The following SALL2 variants were observed in gnomAD, a reference collection of about 807,000 sequenced individuals.
SALL2 encodes the protein sal-like protein 2.
In SALL2, 32 loss-of-function variants were observed where a neutral mutation model predicts 58.5. The observed-to-expected ratio is 0.55, with a 90% confidence interval of 0.41 to 0.74. The LOEUF (loss-of-function observed/expected upper bound fraction) is 0.74. SALL2 is among the 30% of genes least tolerant of loss of function. SALL2 has a pLI of 0.00. For synonymous variants in SALL2, 516 were observed against 513.6 expected, an observed-to-expected ratio of 1.00 and a Z score of -0.06; for missense variants, 1,201 against 1,268.9, an observed-to-expected ratio of 0.95 and a Z score of 0.81.
chr14:21,529,609 TGA>T (rs200040684), upstream of SALL2, among the ~76,000 whole-genome samples: 1,778 of 151,640 alleles, frequency 0.012, 18 homozygotes, highest in Non-Finnish European at 0.017. Context: ...CTCAAGGGTT[TGA>T]GACTCCATCT....
chr14:21,527,694 A>C (rs1892358647), upstream of SALL2, among the ~76,000 whole-genome samples: 1 of 152,172 alleles, frequency 6.6e-6, no homozygotes, highest in Non-Finnish European at 1.5e-5. Flanking sequence ...ATTAATGTGT[A>C]AACCAGGTAT....
rs750483162 is a variant in SALL2 at position 21,525,185 on chromosome 14, C to T, written c.537G>A (p.Leu179=). 1 of 1,613,912 alleles carries T rather than the reference C, an allele frequency of 6.2e-7. No individual in the cohort carries two copies. The highest frequency in any genetic ancestry group is 1.7e-5 in the Admixed American group (1 of 59,988). ...GVGSGHLNIP[L]ILEELRVLQQ... ...GCAGCACCCGTAGCTCTTCCAAGAT[C>T]AGGGGGATATTCAAGTGGCCACTGC... Residue 179 remains leucine (L), a synonymous_variant, in exon 2 of 2, where the codon CTG becomes CTA. Coordinates refer to ENST00000537235, the MANE Select transcript of SALL2 (RefSeq NM_001364564.1). This position sits in a 1 kb window ranked among gnomAD's most constrained non-coding sequence, Gnocchi z 4.4.
rs749373789 is a variant in SALL2 at position 21,524,851 on chromosome 14, C to G, written c.871G>C (p.Gly291Arg). The G allele has an allele frequency of 6.2e-7, 1 of 1,613,574 alleles. No individual in the cohort carries two copies. The highest frequency in any genetic ancestry group is 8.5e-7 in the Non-Finnish European group (1 of 1,179,686). Reference protein sequence around the residue: ...SQHPFSAGGVGRSHKPTPAPS... With the variant: ...SQHPFSAGGVRRSHKPTPAPS... The stretch of plus-strand genomic sequence containing the variant: ...GCAGGGGTGGGTTTGTGGCTTCGCC[C>G]AACCCCTCCAGCAGAGAAAGGATGC... The change falls in exon 2 of 2, where the codon GGG becomes CGG. Residue 291 changes from glycine (G) to arginine (R), a missense_variant. Gly to Arg is a moderately radical substitution (Grantham distance 125). This residue lies in a region of SALL2 where 467 missense variants were observed against 468.9 expected (regional missense o/e 1.00). Coordinates refer to ENST00000537235, the MANE Select transcript of SALL2 (RefSeq NM_001364564.1).
rs1892268096 is a variant in SALL2 at position 21,525,576 on chromosome 14, G to A, written c.146C>T (p.Ala49Val). ...AQFTDPTEFL[A>V]HQNACSTDPP... ...GTCAGTAGAACATGCGTTCTGGTGG[G>A]CGAGGAATTCAGTTGGGTCAGTGAA... Residue 49 changes from alanine to valine, a missense_variant, in exon 2 of 2, where the codon GCC (alanine) becomes GTC (valine). By Grantham distance (64) the Ala-to-Val change is moderately conservative. This residue lies in a region of SALL2 where 467 missense variants were observed against 468.9 expected (regional missense o/e 1.00). Coordinates refer to ENST00000537235, the MANE Select transcript of SALL2 (RefSeq NM_001364564.1). This position sits in a 1 kb window ranked among gnomAD's most constrained non-coding sequence, Gnocchi z 4.4. The A allele has an allele frequency of 6.2e-7, 1 of 1,613,382 alleles. No individual in the cohort carries two copies. The highest frequency in any genetic ancestry group is 8.5e-7 in the Non-Finnish European group (1 of 1,179,658).
At position 21,524,668 on chromosome 14, in the gene SALL2, T is replaced by G. The variant is rs1283253214; in HGVS notation, c.1054A>C (p.Ser352Arg). Residue 352 changes from serine to arginine, a missense_variant, in exon 2 of 2, where the codon AGT becomes CGT. By Grantham distance (110) the Ser-to-Arg change is moderately radical (BLOSUM62 -1). Around this residue, in one of 3 missense-constraint regions of SALL2, gnomAD observed 467 missense variants for 468.9 expected, o/e 1.00. Coordinates refer to ENST00000537235, the MANE Select transcript of SALL2 (RefSeq NM_001364564.1). ...SPGLLKPKNGSGELSYGEVMG... is the reference protein window; with the variant it reads ...SPGLLKPKNGRGELSYGEVMG... ...ACTTCTCCGTAGCTCAGCTCACCACTTCCATTCTTTGGCTTCAGGAGCCCT... is the reference window on the plus strand; with the variant it reads ...ACTTCTCCGTAGCTCAGCTCACCACGTCCATTCTTTGGCTTCAGGAGCCCT... 1 of 1,614,090 alleles carries G rather than the reference T, an allele frequency of 6.2e-7. No homozygotes were observed. Among genetic ancestry groups the G allele is most frequent in the Admixed American group, 1.7e-5 (1 of 60,026 alleles).
At position 21,522,106 on chromosome 14, in the gene SALL2, T is replaced by C. The variant is rs563445167; in HGVS notation, c.*598A>G. 1.9e-5 allele frequency: 31 copies of C among 1,597,808 alleles called. No individual in the cohort carries two copies. Among genetic ancestry groups the C allele is most frequent in the East Asian group, 6.7e-5 (3 of 44,848 alleles). On this transcript the variant is annotated 3_prime_UTR_variant, in exon 2 of 2. Coordinates refer to ENST00000537235, the MANE Select transcript of SALL2 (RefSeq NM_001364564.1). ...TTCTCCTTGGCTTCCCTGGATCCCA[T>C]TGTTGGAGGCACCTTCCCAGCCACA...
chr14:21,525,778 C>T lies in SALL2; in HGVS notation c.68-124G>A, dbSNP rs1892277972. 8 of 1,129,196 alleles carry T rather than the reference C, an allele frequency of 7.1e-6. No homozygotes were observed. Among genetic ancestry groups the T allele is most frequent in the Non-Finnish European group, 8.6e-6 (7 of 813,962 alleles). The allele number at this position is 1,129,196 out of a possible 1,614,324, so 69.9% of individuals were successfully genotyped here. A position where few individuals can be genotyped will look rare whatever the true frequency, so the allele number is the denominator to read the frequency against. ...TGGGGAGATGAGCTCACCATCAGGG[C>T]CATGCAGAAGTCTAGAGCTCAGGCC... On this transcript the variant is annotated intron_variant, in intron 1 of 1. Transcript: ENST00000537235. The surrounding 1 kb of genome is among the most constrained non-coding windows in gnomAD (Gnocchi z 4.4).
At chr14:21,528,211 A>T (rs12323488), upstream of SALL2, among the ~76,000 whole-genome samples, 4,965 of 152,220 alleles carry the variant, frequency 0.033, 291 homozygotes, top group African/African-American at 0.11. Context: ...TCCTGAATTT[A>T]ATCAATGAGA....
rs1269336015 is a variant in SALL2, at chr14:21,525,855, G to A, written c.68-201C>T. ...GGCATGGGGCAGGGGGGTGGGGAGG[G>A]AGGAGGGGAGGGGGGCAAGAGCATG... On this transcript the variant is annotated intron_variant, in intron 1 of 1. Transcript: ENST00000537235. This position sits in a 1 kb window ranked among gnomAD's most constrained non-coding sequence, Gnocchi z 4.4. 4.3e-5 allele frequency among the ~76,000 whole-genome samples: 6 copies of A among 140,770 alleles called. No homozygotes were observed. In the South Asian group the frequency reaches 1.5e-3, roughly 34 times the overall value. The allele number at this position is 140,770 out of a possible 152,430, so 92.4% of individuals were successfully genotyped here.
Position 21,535,253 on chromosome 14 carries a change from G to C in SALL2, c.-114+1709C>G, listed in dbSNP as rs190960547. 2.8e-3 allele frequency among the ~76,000 whole-genome samples: 419 copies of C among 151,586 alleles called. 7 individuals are homozygous for C. Among genetic ancestry groups the C allele is most frequent in the Non-Finnish European group, 6.0e-4 (41 of 67,980 alleles). ...CCAGCTACTCGGGAGGCTGAGGCAG[G>C]AGAATGGCGTGAACCTGGGAGGTGG... On this transcript the variant is annotated intron_variant, in intron 1 of 1. Coordinates refer to the SALL2 transcript ENST00000541965.
At chr14:21,529,872 G>C (rs1053077797), upstream of SALL2, among the ~76,000 whole-genome samples, 4 of 152,114 alleles carry the variant, frequency 2.6e-5, no homozygotes, top group Admixed American at 6.6e-5. Context: ...CTGAGGATAG[G>C]ATCCAGGCAT....
In SALL2 at chr14:21,525,346, C is replaced by T; in HGVS notation, c.376G>A (p.Ala126Thr). The change falls in exon 2 of 2, where the codon GCT (alanine) becomes ACT (threonine). Residue 126 changes from alanine (A) to threonine (T), a missense_variant. This residue lies in a region of SALL2 where 467 missense variants were observed against 468.9 expected (regional missense o/e 1.00). Transcript: ENST00000537235. This position sits in a 1 kb window ranked among gnomAD's most constrained non-coding sequence, Gnocchi z 4.4. ...GEESSGHFLV[A>T]ATGTAAGGGG... ...CCCCCAGCCGCTGTACCTGTGGCAG[C>T]GACCAGGAAATGCCCTGAAGACTCC... 1.2e-6 allele frequency: 2 copies of T among 1,614,000 alleles called. No individual in the cohort carries two copies. The highest frequency in any genetic ancestry group is 1.7e-6 in the Non-Finnish European group (2 of 1,179,942).
chr14:21,529,120 G>T (rs1019494454), upstream of SALL2, among the ~76,000 whole-genome samples: 1 of 152,140 alleles, frequency 6.6e-6, no homozygotes, highest in African/African-American at 2.4e-5. Context: ...CCATTTCTCA[G>T]TACTTTGCAC....
rs753535861 is a variant in SALL2, at chr14:21,525,279, G to A, written c.443C>T (p.Thr148Ile). 1.2e-6 allele frequency: 2 copies of A among 1,612,194 alleles called. No homozygotes were observed. Among genetic ancestry groups the A allele is most frequent in the Admixed American group, 1.7e-5 (1 of 59,916 alleles). Residue 148 changes from threonine to isoleucine, a missense_variant, in exon 2 of 2, where the codon ACC (threonine) becomes ATC (isoleucine). By Grantham distance (89) the Thr-to-Ile change is moderately conservative (BLOSUM62 -1). Transcript: ENST00000537235. This position sits in a 1 kb window ranked among gnomAD's most constrained non-coding sequence, Gnocchi z 4.4. Reference protein sequence around the residue: ...LILASPKLGATPLPPESTPAP... With the variant: ...LILASPKLGAIPLPPESTPAP... Reference sequence around the variant, plus strand: ...AGGGGTCGATTCTGGAGGTAATGGGGTTGCTCCCAGCTTGGGACTGGCCAA... The same window carrying A: ...AGGGGTCGATTCTGGAGGTAATGGGATTGCTCCCAGCTTGGGACTGGCCAA...
intron 1 of SALL2, among the ~76,000 whole-genome samples, chr14:21,533,712 A>G (rs1228327566): frequency 6.6e-6 from 1 of 152,168 alleles, no homozygotes; most frequent in Non-Finnish European, 1.5e-5. Context: ...AAGCTGAGCA[A>G]AAACGGCTGG....
Position 21,521,223 on chromosome 14 carries a change from T to C in SALL2, c.*1481A>G, listed in dbSNP as rs1892015683. On this transcript the variant is annotated 3_prime_UTR_variant, in exon 2 of 2. Coordinates refer to ENST00000537235, the MANE Select transcript of SALL2 (RefSeq NM_001364564.1). ...AGTCAGTCAATAGCAAAACCCTCAC[T>C]CTCTCCTCCTCAGAACTCCTGTTCC... 6.6e-6 allele frequency: 1 copy of C among 152,142 alleles called. No individual in the cohort carries two copies. The allele number at this position is 152,142 out of a possible 1,614,324, so 9.4% of individuals were successfully genotyped here. A position where few individuals can be genotyped will look rare whatever the true frequency, so the allele number is the denominator to read the frequency against.
At position 21,524,720 on chromosome 14, in the gene SALL2, G is replaced by T; in HGVS notation, c.1002C>A (p.Ala334=). 1 of 1,613,254 alleles carries T rather than the reference G, an allele frequency of 6.2e-7. No homozygotes were observed. The highest frequency in any genetic ancestry group is 8.5e-7 in the Non-Finnish European group (1 of 1,179,658). The change falls in exon 2 of 2, where the codon GCC becomes GCA. Residue 334 remains alanine, a synonymous_variant. Transcript: ENST00000537235. The stretch of plus-strand genomic sequence containing the variant: ...GGGAGGCAGTGGCCTCAAGGCCTCG[G>T]GCTGCCCCAAGACACTGTGCTGCCA... The part of the protein sequence containing the change: ...GLLAAQCLGA[A]RGLEATASPG...
rs1034505343 is a variant in SALL2 at position 21,526,264 on chromosome 14, G to C, written c.-137C>G. On this transcript the variant is annotated 5_prime_UTR_variant, in exon 1 of 2. Transcript: ENST00000537235. Reference sequence around the variant, plus strand: ...GCGGAGATGGAGATCGGCAGCGGCGGGGGCAGGGAGCAGCGGCGGAGGGGG... The same window carrying C: ...GCGGAGATGGAGATCGGCAGCGGCGCGGGCAGGGAGCAGCGGCGGAGGGGG... 6.9e-7 allele frequency: 1 copy of C among 1,445,610 alleles called. No homozygotes were observed. Among genetic ancestry groups the C allele is most frequent in the Admixed American group, 2.7e-5 (1 of 37,540 alleles). The allele number at this position is 1,445,610 out of a possible 1,614,324, so 89.5% of individuals were successfully genotyped here. A position where few individuals can be genotyped will look rare whatever the true frequency, so the allele number is the denominator to read the frequency against.
chr14:21,523,727 G>C lies in SALL2; in HGVS notation c.1995C>G (p.Ala665=), dbSNP rs778272468. ...RPFKCKVCGR[A]FSTRGNLRAH... is the part of the protein sequence containing the mutation. ...CACGCAGATTACCCCTGGTGGAGAA[G>C]GCTCTGCCACACACTTTGCATTTGA... The change falls in exon 2 of 2, where the codon GCC becomes GCG. Residue 665 remains alanine (A), a synonymous_variant. Coordinates refer to ENST00000537235, the MANE Select transcript of SALL2 (RefSeq NM_001364564.1). The surrounding 1 kb of genome is among the most constrained non-coding windows in gnomAD (Gnocchi z 4.4). The C allele has an allele frequency of 1.2e-6, 2 of 1,614,234 alleles. No individual in the cohort carries two copies. Among genetic ancestry groups the C allele is most frequent in the Admixed American group, 3.3e-5 (2 of 60,030 alleles).
Sources: gnomAD v4.1 joint callset for allele counts (sites outside exome capture counted in the v4.1 genomes callset) on GRCh38, gnomAD v4.1.1 for gene constraint, gnomAD v4.1.1 regional missense constraint, Gnocchi (gnomAD v3.1) non-coding constraint, MANE v1.5 for transcripts, NCBI Gene and HGNC (gene_info 2026-07-23, HGNC 2026-07-21) for gene names.